CNEP1R1: variants seen among roughly 807,000 people sequenced by gnomAD.
The protein encoded by CNEP1R1 is nuclear envelope phosphatase-regulatory subunit 1.
In CNEP1R1, 10 loss-of-function variants were observed where a neutral mutation model predicts 22.7. The ratio of observed to expected loss-of-function variants is 0.44; its 90% CI spans 0.27 to 0.75. The LOEUF (loss-of-function observed/expected upper bound fraction) is 0.75, where lower values mean the gene tolerates loss of function less well. CNEP1R1 is among the 30% of genes least tolerant of loss of function. The probability of loss-of-function intolerance (pLI) is 0.17; values close to 1 mark genes in which losing one functional copy is unlikely to be tolerated. For synonymous variants in CNEP1R1, 53 were observed against 50.1 expected (o/e 1.06, Z -0.25); for missense variants, 73 against 151.5 (o/e 0.48, Z 2.72).
intron 2 of CNEP1R1, chr16:50,026,757 C>T (rs1206166280): frequency 3.1e-6 from 1 of 320,246 alleles, no homozygotes; most frequent in African/African-American, 2.1e-5. Flanking sequence ...GGCGGATCAC[C>T]TAAGGTCAGA....
In CNEP1R1 at chr16:50,034,161, G is replaced by C; in HGVS notation, c.336+5G>C. The C allele has an allele frequency of 6.4e-7, 1 of 1,569,514 alleles. No homozygotes were observed. The highest frequency in any genetic ancestry group is 8.7e-7 in the Non-Finnish European group (1 of 1,154,440). On this transcript the variant is annotated splice_donor_5th_base_variant and intron_variant, in intron 5 of 5. Coordinates refer to ENST00000427478, the MANE Select transcript of CNEP1R1 (RefSeq NM_001281789.2). ...TACAATATGTCTTGTGATGATGTAA[G>C]TATTTTTTTGGTTAGAAAATTATAG...
In CNEP1R1 at chr16:50,034,102, T is replaced by C. The variant is rs1387535513; in HGVS notation, c.282T>C (p.Ile94=). ...TTTTCCTTTGACCACATGTATTCAGTATAGCTGCTCGATGTCGAACGGTAT... is the reference window on the plus strand; with the variant it reads ...TTTTCCTTTGACCACATGTATTCAGCATAGCTGCTCGATGTCGAACGGTAT... ...GIHKRVVAPS[I]IAARCRTVLA... Residue 94 remains isoleucine (I), a splice_region_variant and synonymous_variant, in exon 5 of 6, where the codon ATT becomes ATC. Transcript: ENST00000427478. 5 of 1,592,804 alleles carry C rather than the reference T, an allele frequency of 3.1e-6. No homozygotes were observed. In the Admixed American group the frequency reaches 7.1e-5, roughly 22 times the overall value.
At chr16:50,025,684 T>C (rs1317081172) in intron 1 of CNEP1R1, 1 of 1,613,908 alleles carries the variant, frequency 6.2e-7, no homozygotes, top group Non-Finnish European at 8.5e-7. Context: ...CCTGCGGTGG[T>C]TTCCGGTAAC....
intron 4 of CNEP1R1, among the ~76,000 whole-genome samples, chr16:50,033,863 CA>C (rs748163459): frequency 2.7e-3 from 272 of 101,198 alleles, no homozygotes; most frequent in African/African-American, 6.1e-3. Context: ...GACTGCGTCT[CA>C]AAAAAAAAAA....
In CNEP1R1 at chr16:50,025,919, G is replaced by A. The variant is rs1296284988; in HGVS notation, c.26-477G>A. The A allele has an allele frequency of 9.0e-6, 5 of 554,562 alleles. No homozygotes were observed. In the Admixed American group the frequency reaches 1.0e-4, roughly 11 times the overall value. 34.4% of individuals were successfully genotyped at this position (554,562 alleles called of 1,614,324 possible). A position where few individuals can be genotyped will look rare whatever the true frequency, so the allele number is the denominator to read the frequency against. On this transcript the variant is annotated intron_variant, in intron 1 of 5. Coordinates refer to ENST00000427478, the MANE Select transcript of CNEP1R1 (RefSeq NM_001281789.2). ...TCAAGAAGTCTAGTAAGGCCAGACG[G>A]CGTAGCCATTAATTAAATATAAGAG...
chr16:50,025,747 G>A (rs748762476), intron 1 of CNEP1R1: 1 of 1,530,080 alleles, frequency 6.5e-7, no homozygotes, highest in South Asian at 1.1e-5. Context: ...GCACACCACT[G>A]CGGAAAGGAT....
chr16:50,025,358 G>A lies in CNEP1R1; in HGVS notation c.25+18G>A. On this transcript the variant is annotated intron_variant, in intron 1 of 5. Transcript: ENST00000427478. ...GGCGGAAGGTAGGGTGGGCCGCCCGGGCCCGTCCCCCGTCTCCCCTCGGAA... is the reference window on the plus strand; with the variant it reads ...GGCGGAAGGTAGGGTGGGCCGCCCGAGCCCGTCCCCCGTCTCCCCTCGGAA... 7.0e-7 allele frequency: 1 copy of A among 1,436,944 alleles called. No individual in the cohort carries two copies. The highest frequency in any genetic ancestry group is 9.1e-7 in the Non-Finnish European group (1 of 1,099,240). 89.0% of individuals were successfully genotyped at this position (1,436,944 alleles called of 1,614,324 possible).
rs1357671195 is a variant in CNEP1R1 at position 50,037,013 on chromosome 16, T to G, written c.*1555T>G. On this transcript the variant is annotated 3_prime_UTR_variant, in exon 6 of 6. Coordinates refer to ENST00000427478, the MANE Select transcript of CNEP1R1 (RefSeq NM_001281789.2). The stretch of plus-strand genomic sequence containing the variant: ...TCTTAAGAGGGTATTCTATATATTC[T>G]GCTTTGTTTTATTTTCTGTAAATTT... 2.6e-5 allele frequency: 4 copies of G among 152,682 alleles called. No homozygotes were observed. The highest frequency in any genetic ancestry group is 9.6e-5 in the African/African-American group (4 of 41,472). 9.5% of individuals were successfully genotyped at this position (152,682 alleles called of 1,614,324 possible). A position where few individuals can be genotyped will look rare whatever the true frequency, so the allele number is the denominator to read the frequency against.
intron 4 of CNEP1R1, 40 bp downstream of exon 4, chr16:50,033,546 C>A: frequency 9.1e-7 from 1 of 1,093,118 alleles, no homozygotes; most frequent in Non-Finnish European, 1.4e-6. Context: ...CTCTGAAGTG[C>A]TTTGTTGATC....
At chr16:50,033,922 C>A (rs1334062092) in intron 4 of CNEP1R1, among the ~76,000 whole-genome samples, 180 bp from the exon 5 acceptor site, 1 of 143,924 alleles carries the variant, frequency 6.9e-6, no homozygotes, top group East Asian at 2.1e-4. Flanking sequence ...CTTGCTCTGT[C>A]GCCCAGGCTG....
intron 2 of CNEP1R1, 171 bp downstream of exon 2, chr16:50,026,638 G>C: frequency 1.6e-6 from 1 of 606,694 alleles, no homozygotes; most frequent in Non-Finnish European, 2.9e-6. Context: ...CTTCTCAAAA[G>C]AACAGTCTAT....
Position 50,026,403 on chromosome 16 carries a change from G to A in CNEP1R1, c.33G>A (p.Lys11=), listed in dbSNP as rs897237516. 2 of 1,607,102 alleles carry A rather than the reference G, an allele frequency of 1.2e-6. No individual in the cohort carries two copies. The highest frequency in any genetic ancestry group is 1.3e-5 in the African/African-American group (1 of 74,966). ...TGACATCTTTATACCTAGATCTCAA[G>A]GCTTTTGAGAGGAGACTTACTGAAT... is the stretch of plus-strand genomic sequence containing the variant. MNSLEQAEDL[K]AFERRLTEYI... The change falls in exon 2 of 6, where the codon AAG becomes AAA. Residue 11 remains lysine, a synonymous_variant. Coordinates refer to ENST00000427478, the MANE Select transcript of CNEP1R1 (RefSeq NM_001281789.2).
At chr16:50,028,686 C>G (rs1312392659) in intron 2 of CNEP1R1, among the ~76,000 whole-genome samples, 3 of 152,130 alleles carry the variant, frequency 2.0e-5, no homozygotes, top group African/African-American at 7.2e-5. Flanking sequence ...ATGAACCAGT[C>G]AAATAAAGCA....
chr16:50,025,569 C>T (rs995183324), intron 1 of CNEP1R1: 8 of 1,395,012 alleles, frequency 5.7e-6, no homozygotes, highest in Non-Finnish European at 7.1e-6. Flanking sequence ...TCGCCAGCTT[C>T]TATTTTTATT....
chr16:50,031,495 A>G (rs1340760280), intron 3 of CNEP1R1, among the ~76,000 whole-genome samples: 1 of 152,188 alleles, frequency 6.6e-6, no homozygotes, highest in African/African-American at 2.4e-5. Flanking sequence ...ATTGAAAAAG[A>G]TCCATCTTGG....
At chr16:50,033,263 A>G (rs1457947845) in intron 3 of CNEP1R1, 134 bp from the exon 4 acceptor site, 13 of 439,932 alleles carry the variant, frequency 3.0e-5, no homozygotes, top group Admixed American at 3.9e-5. Context: ...GAGAACTAAG[A>G]TTATTAGAAG....
In CNEP1R1 at chr16:50,036,352, G is replaced by A. The variant is rs578084042; in HGVS notation, c.*894G>A. On this transcript the variant is annotated 3_prime_UTR_variant, in exon 6 of 6. Transcript: ENST00000427478. ...GACGGGGTTTCACCACGTTGGCCAG[G>A]ATGGTTTCGATCTCCTGACCTCGTG... 2.0e-5 allele frequency: 3 copies of A among 152,054 alleles called. No individual in the cohort carries two copies. Among genetic ancestry groups the A allele is most frequent in the Admixed American group, 2.0e-4 (3 of 15,268 alleles). The allele number at this position is 152,054 out of a possible 1,614,324, so 9.4% of individuals were successfully genotyped here. A position where few individuals can be genotyped will look rare whatever the true frequency, so the allele number is the denominator to read the frequency against.
intron 2 of CNEP1R1, among the ~76,000 whole-genome samples, chr16:50,027,715 T>C (rs1413090332): frequency 2.0e-5 from 3 of 151,998 alleles, no homozygotes; most frequent in African/African-American, 7.2e-5. Context: ...TTATTTAATG[T>C]ATACTTGGAA....
rs775209185 is a variant in CNEP1R1, at chr16:50,025,637, T to C, written c.25+297T>C. On this transcript the variant is annotated intron_variant, in intron 1 of 5. Transcript: ENST00000427478. Reference sequence around the variant, plus strand: ...CATTGCAGCCTGCTAATTCATTTCATTTCATTCTCACAGCCCCGCGAGTTG... The same window carrying C: ...CATTGCAGCCTGCTAATTCATTTCACTTCATTCTCACAGCCCCGCGAGTTG... The C allele has an allele frequency of 3.3e-5, 53 of 1,612,690 alleles. No individual in the cohort carries two copies. In the South Asian group the frequency reaches 5.6e-4, roughly 17 times the overall value.
Sources: allele counts gnomAD v4.1 joint callset (sites outside exome capture counted in the v4.1 genomes callset), GRCh38; gene constraint gnomAD v4.1.1; transcripts MANE v1.5; gene names NCBI Gene and HGNC (gene_info 2026-07-23, HGNC 2026-07-21).